The following TRIO variants were observed in gnomAD, a reference collection of about 807,000 sequenced individuals.
The protein encoded by TRIO is trio Rho guanine nucleotide exchange factor.
Under a neutral mutation model 351.9 loss-of-function variants are expected in TRIO, and 58 were observed. The observed-to-expected ratio is 0.16, with a 90% confidence interval of 0.13 to 0.21. TRIO has a LOEUF of 0.21. TRIO is among the 10% of genes least tolerant of loss of function. TRIO has a pLI of 1.00. For synonymous variants in TRIO, 1,758 were observed against 1,595.7 expected (o/e 1.10, Z -2.42); for missense variants, 3,201 against 4,027.8 (o/e 0.79, Z 5.56).
intron 9 of TRIO, among the ~76,000 whole-genome samples, chr5:14,321,729 T>C (rs1739904634): frequency 6.6e-6 from 1 of 152,166 alleles, no homozygotes; most frequent in Non-Finnish European, 1.5e-5. Context: ...TCATCTTGAA[T>C]TGTAGTTCCC....
At chr5:14,338,071 C>G (rs1487432418) in intron 11 of TRIO, among the ~76,000 whole-genome samples, 1 of 152,184 alleles carries the variant, frequency 6.6e-6, no homozygotes, top group Non-Finnish European at 1.5e-5. Flanking sequence ...TGTTCTGTGG[C>G]AGTTCCTAGT....
chr5:14,189,503 T>C (rs1318999111), intron 1 of TRIO, among the ~76,000 whole-genome samples: 1 of 152,208 alleles, frequency 6.6e-6, no homozygotes, highest in Non-Finnish European at 1.5e-5. Flanking sequence ...CTTTTTATCA[T>C]AAAGTAAATG....
intron 43 of TRIO, among the ~76,000 whole-genome samples, chr5:14,480,976 A>C (rs1755467564): frequency 6.6e-6 from 1 of 152,072 alleles, no homozygotes; most frequent in Non-Finnish European, 1.5e-5. Context: ...TATTTAAAAA[A>C]AAAAATTCTT....
At position 14,409,725 on chromosome 5, in the gene TRIO, C is replaced by T. The variant is rs142777395; in HGVS notation, c.4959+3053C>T. On this transcript the variant is annotated intron_variant, in intron 33 of 56. Transcript: ENST00000344204. ...GGTGGGTGCCTGTAAGTCCCAGCTA[C>T]TCGGGAGGCTGAGGCAGGAGAATGG... Among the ~76,000 whole-genome samples, 1,402 of 151,756 alleles carry T rather than the reference C, an allele frequency of 9.2e-3. 25 individuals carry two copies. The highest frequency in any genetic ancestry group is 0.032 in the African/African-American group (1,326 of 41,380).
rs1328391081 is a variant in TRIO, at chr5:14,492,656, A to C, written c.7722A>C (p.Gln2574His). 1.2e-6 allele frequency: 2 copies of C among 1,614,108 alleles called. No homozygotes were observed. The highest frequency in any genetic ancestry group is 1.1e-5 in the South Asian group (1 of 91,090). ...AGGAGGATGAGATCAACGTCTACCA[A>C]GGAGAGGTCGTTCAAATTCTGGCCA... ...AVKEDEINVY[Q>H]GEVVQILASN... The change falls in exon 49 of 57, where the codon CAA (glutamine) becomes CAC (histidine). Residue 2574 changes from glutamine to histidine, a missense_variant. By Grantham distance (24) the Gln-to-His change is conservative. This residue lies in a region of TRIO where 1,089 missense variants were observed against 954.9 expected (regional missense o/e 1.14). Transcript: ENST00000344204.
intron 1 of TRIO, among the ~76,000 whole-genome samples, chr5:14,266,641 G>A (rs1016896002): frequency 2.6e-5 from 4 of 152,188 alleles, no homozygotes; most frequent in Non-Finnish European, 5.9e-5. Flanking sequence ...TTTAAAATGA[G>A]TATGTTAAAA....
intron 11 of TRIO, among the ~76,000 whole-genome samples, chr5:14,351,205 ACT>A (rs1396045551): frequency 1.3e-5 from 2 of 151,824 alleles, no homozygotes; most frequent in Admixed American, 1.3e-4. Context: ...TGCTTCCCGG[ACT>A]CTACTCTTTC....
chr5:14,287,259 C>T (rs189927281), intron 4 of TRIO, among the ~76,000 whole-genome samples, 196 bp downstream of exon 4: 2 of 152,204 alleles, frequency 1.3e-5, no homozygotes, highest in East Asian at 3.9e-4. Context: ...ATTGTTTTAC[C>T]CACATGGGCT....
At chr5:14,455,669 G>T (rs1038023468) in intron 34 of TRIO, among the ~76,000 whole-genome samples, 1 of 152,138 alleles carries the variant, frequency 6.6e-6, no homozygotes, top group Non-Finnish European at 1.5e-5. Flanking sequence ...AAACATAAAT[G>T]TTCTCCAACT....
chr5:14,175,053 TA>T (rs1340723492), intron 1 of TRIO, among the ~76,000 whole-genome samples: 2 of 152,240 alleles, frequency 1.3e-5, no homozygotes, highest in African/African-American at 4.8e-5. Context: ...TGATCATTAC[TA>T]TTTTTTTTAG....
chr5:14,149,307 A>AG (rs1428934755), intron 1 of TRIO, among the ~76,000 whole-genome samples: 3 of 152,292 alleles, frequency 2.0e-5, no homozygotes, highest in African/African-American at 7.2e-5. Context: ...GATGTTACTG[A>AG]GCCTTCTGTG....
At chr5:14,442,166 A>G (rs556700998) in intron 34 of TRIO, among the ~76,000 whole-genome samples, 43 of 152,368 alleles carry the variant, frequency 2.8e-4, no homozygotes, top group African/African-American at 8.7e-4. Flanking sequence ...GCATGCCAGC[A>G]GGAATGCTCT....
intron 23 of TRIO, chr5:14,388,084 A>C (rs1303449084): frequency 1.9e-6 from 1 of 519,970 alleles, no homozygotes; most frequent in Non-Finnish European, 3.4e-6. Context: ...GGAGTTGATG[A>C]ATTGTCATTA....
chr5:14,355,972 T>G (rs1743578472), intron 11 of TRIO, among the ~76,000 whole-genome samples: 1 of 152,220 alleles, frequency 6.6e-6, no homozygotes, highest in South Asian at 2.1e-4. Flanking sequence ...TTGATTAAAA[T>G]TCTTGAACTG....
At chr5:14,197,610 G>C (rs1790861155) in intron 1 of TRIO, among the ~76,000 whole-genome samples, 2 of 152,196 alleles carry the variant, frequency 1.3e-5, no homozygotes, top group African/African-American at 4.8e-5. Context: ...TGAAGGGTCT[G>C]AGCTTCTTTA....
chr5:14,487,437 A>C, intron 47 of TRIO, 27 bp from the exon 48 acceptor site: 1 of 1,092,118 alleles, frequency 9.2e-7, no homozygotes, highest in African/African-American at 1.7e-5. Flanking sequence ...GCCCTGACCC[A>C]GTCTCTCCCG....
chr5:14,201,093 A>G (rs766620057), intron 1 of TRIO, among the ~76,000 whole-genome samples: 7 of 152,112 alleles, frequency 4.6e-5, no homozygotes, highest in Non-Finnish European at 8.8e-5. Flanking sequence ...CTCCGTCTCT[A>G]CTAAAAACAC....
chr5:14,436,636 T>TG (rs1751610517), intron 34 of TRIO, among the ~76,000 whole-genome samples: 1 of 152,082 alleles, frequency 6.6e-6, no homozygotes, highest in African/African-American at 2.4e-5. Context: ...CTAGATACGA[T>TG]GGGGGTATAG....
intron 34 of TRIO, among the ~76,000 whole-genome samples, chr5:14,435,349 G>A (rs116808082): frequency 6.6e-6 from 1 of 152,158 alleles, no homozygotes; most frequent in African/African-American, 2.4e-5. Context: ...ACTTCCCGAG[G>A]CTCCACCACA....
Sources: allele counts gnomAD v4.1 joint callset (sites outside exome capture counted in the v4.1 genomes callset), GRCh38; gene constraint gnomAD v4.1.1; regional missense constraint gnomAD v4.1.1; transcripts MANE v1.5; gene names NCBI Gene and HGNC (gene_info 2026-07-23, HGNC 2026-07-21).